MACROD2: variants seen among roughly 807,000 people sequenced by gnomAD.
MACROD2 encodes mono-ADP ribosylhydrolase 2.
MACROD2 carries 36 observed loss-of-function variants against 70.4 expected under a neutral mutation model. That is an observed-to-expected ratio of 0.51 (90% CI 0.39 to 0.68). The LOEUF is 0.68. MACROD2 is among the 30% of genes least tolerant of loss of function. The pLI is 0.00. For synonymous variants in MACROD2, 172 were observed against 178.8 expected (o/e 0.96, Z 0.30); for missense variants, 496 against 538.4 (o/e 0.92, Z 0.78).
At chr20:14,534,030 T>C (rs1485628486) in intron 4 of MACROD2, among the ~76,000 whole-genome samples, 1 of 152,200 alleles carries the variant, frequency 6.6e-6, no homozygotes, top group Non-Finnish European at 1.5e-5. Flanking sequence ...TATGTTCTTG[T>C]TACAAGTCTT....
intron 6 of MACROD2, among the ~76,000 whole-genome samples, chr20:15,263,818 A>G (rs112368622): frequency 6.6e-6 from 1 of 151,802 alleles, no homozygotes; most frequent in South Asian, 2.1e-4. Flanking sequence ...TACTTTCTTG[A>G]TTTCTTTTTT....
chr20:15,081,995 G>A (rs889328819), intron 5 of MACROD2, among the ~76,000 whole-genome samples: 3 of 152,146 alleles, frequency 2.0e-5, no homozygotes, highest in East Asian at 3.9e-4. Context: ...TGCCTGGGAG[G>A]CGTGGACCAA....
intron 6 of MACROD2, among the ~76,000 whole-genome samples, chr20:15,332,041 A>G (rs2077998208): frequency 6.6e-6 from 1 of 151,652 alleles, no homozygotes; most frequent in African/African-American, 2.4e-5. Context: ...TTAATAGGTG[A>G]AAGCAAAGAT....
chr20:14,325,729 G>C (rs1427635276), intron 3 of MACROD2: 1 of 1,613,822 alleles, frequency 6.2e-7, no homozygotes. Flanking sequence ...CATCTGAAAA[G>C]AAGTTTCCCT....
chr20:15,495,744 A>G (rs2047288725), intron 7 of MACROD2, among the ~76,000 whole-genome samples: 1 of 152,206 alleles, frequency 6.6e-6, no homozygotes, highest in South Asian at 2.1e-4. Context: ...AAGGTTATTA[A>G]TCACATATTT....
chr20:14,985,714 A>G (rs1479814390), intron 5 of MACROD2, among the ~76,000 whole-genome samples: 2 of 149,242 alleles, frequency 1.3e-5, no homozygotes, highest in East Asian at 1.9e-4. Flanking sequence ...AGGATGATAA[A>G]TGAGTTTAGT....
intron 3 of MACROD2, among the ~76,000 whole-genome samples, chr20:14,132,945 A>C (rs2054737778): frequency 6.6e-6 from 1 of 152,142 alleles, no homozygotes; most frequent in Non-Finnish European, 1.5e-5. Flanking sequence ...CTGGCCAGAA[A>C]TTTGTTTAAG....
chr20:16,036,285 C>CTCT (rs545013968), intron 15 of MACROD2, among the ~76,000 whole-genome samples: 2 of 71,106 alleles, frequency 2.8e-5, no homozygotes, highest in Non-Finnish European at 4.3e-5. Flanking sequence ...GGACTCCTCC[C>CTCT]CCGGCCAGCA....
chr20:15,654,467 G>C (rs1001787733), intron 8 of MACROD2, among the ~76,000 whole-genome samples: 1 of 152,180 alleles, frequency 6.6e-6, no homozygotes, highest in African/African-American at 2.4e-5. Context: ...TGCGGCTTTT[G>C]CCATTCATTT....
chr20:14,247,757 T>A (rs1467986948), intron 3 of MACROD2, among the ~76,000 whole-genome samples: 1 of 152,056 alleles, frequency 6.6e-6, no homozygotes. Context: ...GAACAAGAAA[T>A]CATGTCAGTT....
intron 3 of MACROD2, among the ~76,000 whole-genome samples, chr20:14,456,219 T>A (rs546510176): frequency 6.6e-6 from 1 of 152,050 alleles, no homozygotes; most frequent in South Asian, 2.1e-4. Context: ...GACTTCAGTT[T>A]CATTCTTAAT....
chr20:14,286,112 G>A (rs1490184061), intron 3 of MACROD2, among the ~76,000 whole-genome samples: 1 of 152,024 alleles, frequency 6.6e-6, no homozygotes, highest in African/African-American at 2.4e-5. Flanking sequence ...ACAGGAGCGT[G>A]AACCACAGAG....
At chr20:14,463,856 A>G (rs2084403912) in intron 3 of MACROD2, among the ~76,000 whole-genome samples, 1 of 151,904 alleles carries the variant, frequency 6.6e-6, no homozygotes, top group African/African-American at 2.4e-5. Flanking sequence ...TTGTATGTTG[A>G]ACCAGCCTTG....
At chr20:15,226,767 A>C (rs1261075017) in intron 5 of MACROD2, among the ~76,000 whole-genome samples, 3 of 152,168 alleles carry the variant, frequency 2.0e-5, no homozygotes, top group Admixed American at 6.5e-5. Flanking sequence ...TAATAATGCT[A>C]CACAACACAG....
rs1256428330 is a variant in MACROD2, at chr20:15,030,658, T to TAGATAGAC, written c.419-199274_419-199267dup. 9.1e-4 allele frequency among the ~76,000 whole-genome samples: 135 copies of TAGATAGAC among 148,140 alleles called. 1 individual carries two copies. The highest frequency in any genetic ancestry group is 3.4e-3 in the African/African-American group (127 of 37,552). On this transcript the variant is annotated intron_variant, in intron 5 of 17. Transcript: ENST00000684519. ...CAAGGAGCTAAGGATAAAATATAGA[T>TAGATAGAC]AGATAGACAGATAGATAGATAGATA...
chr20:14,083,888 C>T (rs1170854421), intron 2 of MACROD2, among the ~76,000 whole-genome samples: 1 of 151,230 alleles, frequency 6.6e-6, no homozygotes, highest in African/African-American at 2.4e-5. Context: ...AGACCAACCC[C>T]GTCTCTACTA....
intron 4 of MACROD2, among the ~76,000 whole-genome samples, chr20:14,607,598 G>A (rs936851359): frequency 3.9e-5 from 6 of 152,158 alleles, no homozygotes; most frequent in African/African-American, 9.7e-5. Context: ...GCAGACCAAG[G>A]CATGTTTCCT....
chr20:15,630,359 G>T (rs464188), intron 8 of MACROD2, among the ~76,000 whole-genome samples: 1 of 152,014 alleles, frequency 6.6e-6, no homozygotes, highest in Non-Finnish European at 1.5e-5. Flanking sequence ...CAAAAATGTT[G>T]TGCATCTGAA....
chr20:15,659,653 G>A (rs544311023), intron 8 of MACROD2, among the ~76,000 whole-genome samples: 1 of 152,182 alleles, frequency 6.6e-6, no homozygotes, highest in South Asian at 2.1e-4. Flanking sequence ...GTAGAGGCCA[G>A]GTGTCTTAGT....
Sources: allele counts gnomAD v4.1 joint callset (sites outside exome capture counted in the v4.1 genomes callset), GRCh38; gene constraint gnomAD v4.1.1; transcripts MANE v1.5; gene names NCBI Gene and HGNC (gene_info 2026-07-23, HGNC 2026-07-21).